Variants in DDTL observed in about 807,000 individuals in gnomAD.
DDTL encodes D-dopachrome tautomerase like.
DDTL carries 1 observed loss-of-function variant against 1.1 expected under a neutral mutation model. The ratio of observed to expected loss-of-function variants is 0.91; its 90% CI spans 0.32 to 4.31. DDTL has a LOEUF of 4.31. Among genes scored for constraint, DDTL ranks in the 30% most tolerant of loss-of-function variants. The pLI, the probability that DDTL is intolerant of heterozygous loss-of-function variation, is 0.17. For missense variants in DDTL, 54 were observed against 48.9 expected, an observed-to-expected ratio of 1.10 and a Z score of -0.31; for synonymous variants, 21 against 16.6, an observed-to-expected ratio of 1.26 and a Z score of -0.64.
chr22:23,971,430 T>G lies in DDTL; in HGVS notation c.*24T>G. 1 of 1,611,264 alleles carries G rather than the reference T, an allele frequency of 6.2e-7. No homozygotes were observed. Among genetic ancestry groups the G allele is most frequent in the Non-Finnish European group, 8.5e-7 (1 of 1,178,292 alleles). ...GAGGATGAAGAAGAGGATTATGTGA[T>G]CACAGGAATGTTGCATGCGGGATAA... On this transcript the variant is annotated 3_prime_UTR_variant, in exon 3 of 3. Coordinates refer to ENST00000215770, the MANE Select transcript of DDTL (RefSeq NM_001084393.2).
At chr22:23,970,173 T>A (rs2033873524) in intron 2 of DDTL, among the ~76,000 whole-genome samples, 1 of 152,090 alleles carries the variant, frequency 6.6e-6, no homozygotes, top group Non-Finnish European at 1.5e-5. Flanking sequence ...GAGGTGACAC[T>A]GGGAAGGGAA....
chr22:23,970,513 TTG>T (rs141712257), intron 2 of DDTL, among the ~76,000 whole-genome samples: 5,093 of 151,236 alleles, frequency 0.034, 121 homozygotes, highest in Middle Eastern at 0.16. Flanking sequence ...AATGCTGTGA[TTG>T]TGTGTGTGTG....
chr22:23,969,352 G>A, intron 2 of DDTL: 1 of 985,528 alleles, frequency 1.0e-6, no homozygotes, highest in Non-Finnish European at 1.2e-6. Flanking sequence ...ACAGGTGTCT[G>A]AGGTACTGTG....
intron 2 of DDTL, among the ~76,000 whole-genome samples, chr22:23,970,992 C>T (rs1319356660): frequency 4.0e-5 from 6 of 151,262 alleles, no homozygotes; most frequent in Non-Finnish European, 8.9e-5. Flanking sequence ...CAGCGACCAA[C>T]CCCCAAAGGG....
chr22:23,971,373 G>A lies in DDTL; in HGVS notation c.372G>A (p.Leu124=), dbSNP rs780522491. Residue 124 remains leucine, a synonymous_variant, in exon 3 of 3, where the codon TTG becomes TTA. Coordinates refer to ENST00000215770, the MANE Select transcript of DDTL (RefSeq NM_001084393.2). ...TAATAGAAGGTAAGAAGTCATGTTT[G>A]AATGAGGAAGCTCTCTTCATTTATT... ...GEIIEGKKSC[L]NEEALFIYFI 3.1e-6 allele frequency: 5 copies of A among 1,613,978 alleles called. No individual in the cohort carries two copies. The highest frequency in any genetic ancestry group is 2.7e-5 in the African/African-American group (2 of 74,932).
intron 2 of DDTL, chr22:23,969,935 G>T: frequency 1.2e-6 from 1 of 841,698 alleles, no homozygotes; most frequent in Non-Finnish European, 1.4e-6. Context: ...GAGCGACCTC[G>T]GCTGAACTAA....
At chr22:23,970,924 G>C (rs1029664717) in intron 2 of DDTL, among the ~76,000 whole-genome samples, 3 of 151,990 alleles carry the variant, frequency 2.0e-5, no homozygotes, top group Non-Finnish European at 4.4e-5. Context: ...GGAGGGAGTC[G>C]AAGCTTGCAA....
intron 2 of DDTL, among the ~76,000 whole-genome samples, chr22:23,970,161 C>T (rs370499872): frequency 5.1e-4 from 78 of 152,204 alleles, no homozygotes; most frequent in Middle Eastern, 3.4e-3. Flanking sequence ...GGGCCAAAGG[C>T]GGAGGTGACA....
Position 23,972,230 on chromosome 22 carries a change from G to A in DDTL, c.*824G>A, listed in dbSNP as rs375953203. On this transcript the variant is annotated 3_prime_UTR_variant, in exon 3 of 3. Coordinates refer to ENST00000215770, the MANE Select transcript of DDTL (RefSeq NM_001084393.2). ...AGCAAAGGGAGAGTGGATAGGGATT[G>A]TAAGGATCAAATGGGATCATGAGTG... 2 of 952,692 alleles carry A rather than the reference G, an allele frequency of 2.1e-6. No homozygotes were observed. Among genetic ancestry groups the A allele is most frequent in the East Asian group, 1.2e-4 (1 of 8,382 alleles). The allele number at this position is 952,692 out of a possible 1,614,324, so 59.0% of individuals were successfully genotyped here.
chr22:23,971,713 T>C lies in DDTL; in HGVS notation c.*307T>C. On this transcript the variant is annotated 3_prime_UTR_variant, in exon 3 of 3. Coordinates refer to ENST00000215770, the MANE Select transcript of DDTL (RefSeq NM_001084393.2). ...TGCCAGGTACTCCCACTGTGGGTAC[T>C]CAGGACAGCCTGCCTCAGTCCACCA... The C allele has an allele frequency of 3.3e-6, 4 of 1,197,814 alleles. No homozygotes were observed. The highest frequency in any genetic ancestry group is 4.8e-6 in the Non-Finnish European group (4 of 839,978). The allele number at this position is 1,197,814 out of a possible 1,614,324, so 74.2% of individuals were successfully genotyped here.
chr22:23,970,331 CATGGGTGTAT>C (rs1348425562), intron 2 of DDTL, among the ~76,000 whole-genome samples: 2 of 151,852 alleles, frequency 1.3e-5, no homozygotes, highest in African/African-American at 4.8e-5. Context: ...GAACTGTGTA[CATGGGTGTAT>C]ACGTGAATTT....
chr22:23,970,017 AG>A (rs888607059), intron 2 of DDTL: 1 of 253,174 alleles, frequency 3.9e-6, no homozygotes, highest in African/African-American at 2.3e-5. Context: ...GGGACAGGGA[AG>A]GGTCCCTAGA....
chr22:23,970,466 G>T (rs1413578881), intron 2 of DDTL, among the ~76,000 whole-genome samples: 1 of 152,066 alleles, frequency 6.6e-6, no homozygotes, highest in African/African-American at 2.4e-5. Flanking sequence ...GTATGTGTGT[G>T]TGTGAGTGAA....
chr22:23,969,696 G>C, intron 2 of DDTL: 1 of 978,346 alleles, frequency 1.0e-6, no homozygotes, highest in Non-Finnish European at 1.2e-6. Context: ...GCATGAGCCT[G>C]TGATCCAAAC....
chr22:23,971,604 G>A lies in DDTL; in HGVS notation c.*198G>A. On this transcript the variant is annotated 3_prime_UTR_variant, in exon 3 of 3. Transcript: ENST00000215770. ...TTGCCAATCTGCCAGGACTCCAAGG[G>A]GAAAAAGCGGATAAGTATCCTTCAG... The A allele has an allele frequency of 6.2e-7, 1 of 1,613,928 alleles. No individual in the cohort carries two copies. The highest frequency in any genetic ancestry group is 8.5e-7 in the Non-Finnish European group (1 of 1,179,920).
chr22:23,970,454 G>A (rs1234116079), intron 2 of DDTL, among the ~76,000 whole-genome samples: 1 of 152,056 alleles, frequency 6.6e-6, no homozygotes, highest in African/African-American at 2.4e-5. Context: ...GTGTGACGGG[G>A]AGTATGTGTG....
rs1211434700 is a variant in DDTL, at chr22:23,971,537, C to T, written c.*131C>T. On this transcript the variant is annotated 3_prime_UTR_variant, in exon 3 of 3. Transcript: ENST00000215770. ...CAGCCAGTTCACAGATGCCCTGGAT[C>T]CCTCCGTGCCCAATCATAAAAAAGT... 2.5e-6 allele frequency: 4 copies of T among 1,613,576 alleles called. No homozygotes were observed. The African/African-American group carries it at 4.0e-5, about 16-fold the overall frequency.
chr22:23,970,547 T>C (rs372354662), intron 2 of DDTL, among the ~76,000 whole-genome samples: 140 of 151,758 alleles, frequency 9.2e-4, no homozygotes, highest in African/African-American at 2.8e-3. Flanking sequence ...GGGGATTTGG[T>C]CTATATGTGT....
chr22:23,971,797 T>C lies in DDTL; in HGVS notation c.*391T>C. 1.6e-6 allele frequency: 1 copy of C among 634,136 alleles called. No homozygotes were observed. The highest frequency in any genetic ancestry group is 2.7e-5 in the East Asian group (1 of 36,546). 39.3% of individuals were successfully genotyped at this position (634,136 alleles called of 1,614,324 possible). The stretch of plus-strand genomic sequence containing the variant: ...TTTTCCCCAACCCCCAGCAGGGCAG[T>C]GGGACACTCAGGTGTGGGAGGTAGC... On this transcript the variant is annotated 3_prime_UTR_variant, in exon 3 of 3. Transcript: ENST00000215770.
Sources: gnomAD v4.1 joint callset for allele counts (sites outside exome capture counted in the v4.1 genomes callset) on GRCh38, gnomAD v4.1.1 for gene constraint, MANE v1.5 for transcripts, NCBI Gene and HGNC (gene_info 2026-07-23, HGNC 2026-07-21) for gene names.